GBP7: variants seen among roughly 807,000 people sequenced by gnomAD.
The protein encoded by GBP7 is guanylate-binding protein 7.
A neutral mutation model predicts 61.3 loss-of-function variants in GBP7; 43 were observed. The observed-to-expected ratio is 0.70, with a 90% confidence interval of 0.55 to 0.91. The LOEUF is 0.91. Among genes scored for constraint, GBP7 ranks in the 40% least tolerant of loss-of-function variants. GBP7 has a pLI of 0.00. For synonymous variants in GBP7, 267 were observed against 271.0 expected (o/e 0.99, Z 0.14); for missense variants, 717 against 740.5 (o/e 0.97, Z 0.37).
intron 2 of GBP7, among the ~76,000 whole-genome samples, chr1:89,169,813 A>G (rs1647549088): frequency 6.6e-6 from 1 of 152,226 alleles, no homozygotes. Context: ...TGCTATGGAC[A>G]GCTTTTTCTA....
chr1:89,148,754 AAGAACTTCTGACTTACGGAGCTGTG>A (rs1467916501), intron 7 of GBP7, among the ~76,000 whole-genome samples: 1 of 152,170 alleles, frequency 6.6e-6, no homozygotes, highest in African/African-American at 2.4e-5. Context: ...ATGCCCTAAA[AAGAACTTCTGACTTACGGAGCTGTG>A]AGCTTAGGCA....
At chr1:89,136,977 C>T (rs1681820997) in intron 9 of GBP7, among the ~76,000 whole-genome samples, 1 of 151,990 alleles carries the variant, frequency 6.6e-6, no homozygotes, top group Non-Finnish European at 1.5e-5. Context: ...AGGGACATTG[C>T]TATCAACTCC....
chr1:89,162,042 C>CT (rs58355264), intron 3 of GBP7, among the ~76,000 whole-genome samples: 96,128 of 143,946 alleles, frequency 0.67, 31,788 homozygotes, highest in East Asian at 0.79. Flanking sequence ...TTCCCCATTG[C>CT]TTTTTTTTTT....
chr1:89,167,695 A>C (rs946329924), intron 2 of GBP7, among the ~76,000 whole-genome samples: 1 of 152,204 alleles, frequency 6.6e-6, no homozygotes, highest in African/African-American at 2.4e-5. Flanking sequence ...GGTTACCATT[A>C]GAGCATCTGC....
Position 89,132,363 on chromosome 1 carries a change from A to G in GBP7, c.1703T>C (p.Phe568Ser), listed in dbSNP as rs764768326. ...ELLTEGFKEI[F>S]ESLNEEINRL... is the part of the protein sequence containing the mutation. The stretch of plus-strand genomic sequence containing the variant: ...ATTAATCTCTTCATTTAACGACTCA[A>G]ATATCTCTTTAAATCCTTCAGTAAG... The change falls in exon 11 of 11, where the codon TTT becomes TCT. Residue 568 changes from phenylalanine (F) to serine (S), a missense_variant. Physicochemically the swap from Phe to Ser is radical, Grantham distance 155. Around this residue, in one of 3 missense-constraint regions of GBP7, gnomAD observed 312 missense variants for 310.1 expected, o/e 1.01. Coordinates refer to ENST00000294671, the MANE Select transcript of GBP7 (RefSeq NM_207398.3). 2 of 1,612,416 alleles carry G rather than the reference A, an allele frequency of 1.2e-6. No homozygotes were observed. The highest frequency in any genetic ancestry group is 2.2e-5 in the South Asian group (2 of 91,048).
At chr1:89,157,324 A>G (rs1026207974) in intron 3 of GBP7, among the ~76,000 whole-genome samples, 12 of 152,212 alleles carry the variant, frequency 7.9e-5, no homozygotes, top group African/African-American at 2.9e-4. Flanking sequence ...CACATTCAAA[A>G]GCTAGCAGAA....
Position 89,141,569 on chromosome 1 carries a change from G to A in GBP7, c.1445C>T (p.Thr482Ile), listed in dbSNP as rs1345932851. ...ESILQSDKAL[T>I]AGEKAIAAKQ... Reference sequence around the variant, plus strand: ...ACCTGCTATGGCCTTCTCTCCAGCAGTGAGGGCTTTGTCTGACTGCAGGAT... The same window carrying A: ...ACCTGCTATGGCCTTCTCTCCAGCAATGAGGGCTTTGTCTGACTGCAGGAT... The change falls in exon 9 of 11, where the codon ACT (threonine) becomes ATT (isoleucine). Residue 482 changes from threonine to isoleucine, a missense_variant. Around this residue, in one of 3 missense-constraint regions of GBP7, gnomAD observed 312 missense variants for 310.1 expected, o/e 1.01. Coordinates refer to ENST00000294671, the MANE Select transcript of GBP7 (RefSeq NM_207398.3). 3 of 1,613,752 alleles carry A rather than the reference G, an allele frequency of 1.9e-6. No individual in the cohort carries two copies. Among genetic ancestry groups the A allele is most frequent in the Non-Finnish European group, 1.7e-6 (2 of 1,179,846 alleles).
chr1:89,157,107 G>A lies in GBP7; in HGVS notation c.319-4330C>T, dbSNP rs575858803. Among the ~76,000 whole-genome samples the A allele has an allele frequency of 2.0e-5, 3 of 152,264 alleles. No individual in the cohort carries two copies. In the South Asian group the frequency reaches 6.2e-4, roughly 32 times the overall value. On this transcript the variant is annotated intron_variant, in intron 3 of 10. Coordinates refer to ENST00000294671, the MANE Select transcript of GBP7 (RefSeq NM_207398.3). Reference sequence around the variant, plus strand: ...AATAACTGTCTCCTGAATGACTACTGGGTACATAACATAATGAAGGCAGAA... The same window carrying A: ...AATAACTGTCTCCTGAATGACTACTAGGTACATAACATAATGAAGGCAGAA...
chr1:89,165,859 A>T (rs1287386470), intron 2 of GBP7, among the ~76,000 whole-genome samples: 1 of 152,118 alleles, frequency 6.6e-6, no homozygotes, highest in Non-Finnish European at 1.5e-5. Flanking sequence ...TGACACGTGT[A>T]TACCTACGTA....
chr1:89,152,798 A>AG, intron 3 of GBP7, 21 bp from the exon 4 acceptor site: 1 of 1,575,944 alleles, frequency 6.3e-7, no homozygotes, highest in Non-Finnish European at 8.6e-7. Flanking sequence ...AGAAAAAAAA[A>AG]AAAAAAATGG....
intron 8 of GBP7, among the ~76,000 whole-genome samples, chr1:89,143,092 G>A (rs1283030020): frequency 6.6e-6 from 1 of 152,064 alleles, no homozygotes; most frequent in Non-Finnish European, 1.5e-5. Flanking sequence ...TTCAATTTTA[G>A]CAATTAAAAC....
At chr1:89,136,256 G>A (rs2100635201) in intron 9 of GBP7, among the ~76,000 whole-genome samples, 1 of 152,196 alleles carries the variant, frequency 6.6e-6, no homozygotes, top group African/African-American at 2.4e-5. Context: ...ACAGATCATT[G>A]AGGCAAAAAA....
At chr1:89,170,185 T>TA (rs1371151479) in intron 2 of GBP7, among the ~76,000 whole-genome samples, 1 of 152,190 alleles carries the variant, frequency 6.6e-6, no homozygotes, top group Non-Finnish European at 1.5e-5. Context: ...TCAATGCCTA[T>TA]AAAAAATCTT....
chr1:89,171,727 C>T lies in GBP7; in HGVS notation c.190+19G>A, dbSNP rs750762737. ...ACTGGACAGATGGGGCTCATCCATG[C>T]TTTGCTGGTGCCACTCACCTTTGTT... On this transcript the variant is annotated intron_variant, in intron 2 of 10. Coordinates refer to ENST00000294671, the MANE Select transcript of GBP7 (RefSeq NM_207398.3). 1 of 1,609,428 alleles carries T rather than the reference C, an allele frequency of 6.2e-7. No individual in the cohort carries two copies. The highest frequency in any genetic ancestry group is 8.5e-7 in the Non-Finnish European group (1 of 1,177,462).
intron 3 of GBP7, among the ~76,000 whole-genome samples, chr1:89,155,271 A>C (rs560271719): frequency 6.6e-6 from 1 of 152,216 alleles, no homozygotes; most frequent in African/African-American, 2.4e-5. Flanking sequence ...AAAAGCTGAA[A>C]ATTCTAAAAA....
chr1:89,150,211 C>T (rs1252907632), intron 6 of GBP7, 119 bp downstream of exon 6: 2 of 930,344 alleles, frequency 2.1e-6, no homozygotes, highest in Non-Finnish European at 3.3e-6. Flanking sequence ...TTCACTTATC[C>T]CACACCTCAT....
chr1:89,160,643 G>C (rs552925957), intron 3 of GBP7, among the ~76,000 whole-genome samples: 2 of 152,132 alleles, frequency 1.3e-5, no homozygotes, highest in Non-Finnish European at 2.9e-5. Flanking sequence ...CACATAGTTA[G>C]TGCTATATGT....
rs552121602 is a variant in GBP7, at chr1:89,132,003, A to G, written c.*146T>C. On this transcript the variant is annotated 3_prime_UTR_variant, in exon 11 of 11. Coordinates refer to ENST00000294671, the MANE Select transcript of GBP7 (RefSeq NM_207398.3). ...ATTTCTATTAATTATTACTTTAGTC[A>G]AAATTAAGTTTGTTTTTATGAACTT... The G allele has an allele frequency of 2.2e-5, 12 of 539,126 alleles. No individual in the cohort carries two copies. The East Asian group carries it at 2.8e-4, about 13-fold the overall frequency. The allele number at this position is 539,126 out of a possible 1,614,324, so 33.4% of individuals were successfully genotyped here.
intron 8 of GBP7, among the ~76,000 whole-genome samples, chr1:89,146,793 G>A (rs893528977): frequency 2.6e-5 from 4 of 152,140 alleles, no homozygotes; most frequent in African/African-American, 9.7e-5. Flanking sequence ...GATAACAAGC[G>A]TTGGCAAGGA....
Sources: allele counts gnomAD v4.1 joint callset (sites outside exome capture counted in the v4.1 genomes callset), GRCh38; gene constraint gnomAD v4.1.1; regional missense constraint gnomAD v4.1.1; transcripts MANE v1.5; gene names NCBI Gene and HGNC (gene_info 2026-07-23, HGNC 2026-07-21).